TSHZ3: variants seen among roughly 807,000 people sequenced by gnomAD.
TSHZ3 encodes teashirt zinc finger homeobox 3.
A neutral mutation model predicts 64.5 loss-of-function variants in TSHZ3; 10 were observed. The observed-to-expected ratio is 0.16, with a 90% CI of 0.10 to 0.26. The LOEUF (loss-of-function observed/expected upper bound fraction) is 0.26. Ranked by LOEUF, TSHZ3 falls within the 10% of genes least tolerant of loss-of-function variation. The pLI, the probability that TSHZ3 is intolerant of heterozygous loss-of-function variation, is 1.00. For missense variants in TSHZ3, 1,242 were observed against 1,421.7 expected (o/e 0.87, Z 2.03); for synonymous variants, 608 against 593.1 (o/e 1.03, Z -0.36).
downstream of TSHZ3, among the ~76,000 whole-genome samples, chr19:31,270,992 C>T (rs113941546): frequency 6.6e-4 from 100 of 152,216 alleles, no homozygotes; most frequent in South Asian, 0.017. Flanking sequence ...GATTTTTGGA[C>T]CAGAGGTGGG....
chr19:31,195,571 TA>T, intron 5 of TSHZ3: 1 of 152,024 alleles, frequency 6.6e-6, no homozygotes, highest in Non-Finnish European at 1.5e-5. Flanking sequence ...TTTATTTATT[TA>T]TTTATTTTTG....
intron 5 of TSHZ3, among the ~76,000 whole-genome samples, chr19:31,165,279 G>T (rs964136643): frequency 7.9e-5 from 12 of 152,210 alleles, no homozygotes; most frequent in African/African-American, 2.9e-4. Context: ...ATTTATCCTG[G>T]CCTGAACTTC....
intron 1 of TSHZ3, among the ~76,000 whole-genome samples, chr19:31,243,060 A>G (rs1180956803): frequency 6.6e-6 from 1 of 152,212 alleles, no homozygotes; most frequent in Non-Finnish European, 1.5e-5. Context: ...TCTATCAGCT[A>G]TCTAGATATC....
intron 5 of TSHZ3, among the ~76,000 whole-genome samples, chr19:31,183,027 A>T (rs960345126): frequency 5.9e-5 from 9 of 152,068 alleles, no homozygotes; most frequent in Non-Finnish European, 1.2e-4. Flanking sequence ...AAAAAGAGAG[A>T]TTTTGCCCAA....
At position 31,278,615 on chromosome 19, in the gene TSHZ3, C is replaced by T. The variant is rs1976298899; in HGVS notation, c.1178G>A (p.Ser393Asn). ...GAGCTCCTGCAGGGTGTCATGCGAG[C>T]TCCCACACTCCATGCACTTCAGGAT... is the stretch of plus-strand genomic sequence containing the variant. ...SQILKCMECG[S>N]SHDTLQELTA... The change falls in exon 2 of 2, where the codon AGC becomes AAC. Residue 393 changes from serine to asparagine, a missense_variant. By Grantham distance (46) the Ser-to-Asn change is conservative. Transcript: ENST00000240587. The surrounding 1 kb of genome is among the most constrained non-coding windows in gnomAD (Gnocchi z 4.7). 2 of 1,614,002 alleles carry T rather than the reference C, an allele frequency of 1.2e-6. No individual in the cohort carries two copies. The highest frequency in any genetic ancestry group is 1.7e-6 in the Non-Finnish European group (2 of 1,180,012).
chr19:31,225,288 C>T (rs1310200822), intron 4 of TSHZ3, among the ~76,000 whole-genome samples: 2 of 152,082 alleles, frequency 1.3e-5, no homozygotes, highest in Non-Finnish European at 2.9e-5. Flanking sequence ...TTTGAAGTCC[C>T]AGGGAATGAA....
intron 5 of TSHZ3, chr19:31,167,484 A>G (rs1974470573): frequency 6.6e-6 from 1 of 152,200 alleles, no homozygotes; most frequent in African/African-American, 2.4e-5. Context: ...AGAGTTGAAC[A>G]CAGGCTGCCA....
intron 1 of TSHZ3, among the ~76,000 whole-genome samples, chr19:31,346,764 G>A (rs540819588): frequency 6.6e-6 from 1 of 150,584 alleles, no homozygotes; most frequent in Admixed American, 6.6e-5. Flanking sequence ...AAAATGGGAA[G>A]TTTCTGGTCC....
chr19:31,210,693 C>A (rs190543827), intron 4 of TSHZ3, among the ~76,000 whole-genome samples: 2 of 152,188 alleles, frequency 1.3e-5, no homozygotes, highest in Non-Finnish European at 2.9e-5. Flanking sequence ...ACTCAGGAAC[C>A]CACGCGTACC....
intron 1 of TSHZ3, among the ~76,000 whole-genome samples, chr19:31,256,105 C>G (rs560234844): frequency 6.6e-6 from 1 of 152,080 alleles, no homozygotes; most frequent in African/African-American, 2.4e-5. Context: ...TTCACCCTCC[C>G]CGAGGCTCAC....
chr19:31,160,687 C>T (rs1974364075), intron 5 of TSHZ3, among the ~76,000 whole-genome samples: 2 of 151,988 alleles, frequency 1.3e-5, no homozygotes, highest in Non-Finnish European at 2.9e-5. Context: ...CACACAGACA[C>T]ACATGCATAC....
intron 4 of TSHZ3, among the ~76,000 whole-genome samples, chr19:31,226,588 T>G (rs528639863): frequency 6.6e-6 from 1 of 152,276 alleles, no homozygotes; most frequent in Non-Finnish European, 1.5e-5. Flanking sequence ...AGCGTGAAAA[T>G]GGACTAATAC....
chr19:31,183,178 TTCTCTCTCTCTCTCTC>T (rs750398873), intron 5 of TSHZ3, among the ~76,000 whole-genome samples: 24 of 116,540 alleles, frequency 2.1e-4, no homozygotes, highest in African/African-American at 4.3e-4. Context: ...TTCTATGAGA[TTCTCTCTCTCTCTCTC>T]TCTCTCTCTC....
At chr19:31,329,401 A>G (rs1917012983) in intron 1 of TSHZ3, among the ~76,000 whole-genome samples, 1 of 152,232 alleles carries the variant, frequency 6.6e-6, no homozygotes, top group African/African-American at 2.4e-5. Flanking sequence ...CATCCAGGCC[A>G]CTGCAAGAAC....
chr19:31,222,460 A>G (rs370350255), intron 4 of TSHZ3, among the ~76,000 whole-genome samples: 3 of 152,190 alleles, frequency 2.0e-5, no homozygotes, highest in Non-Finnish European at 4.4e-5. Context: ...CTAGACTTGG[A>G]AAAACTTTCA....
intron 5 of TSHZ3, among the ~76,000 whole-genome samples, chr19:31,180,746 C>T (rs796624518): frequency 5.9e-5 from 9 of 152,292 alleles, no homozygotes; most frequent in South Asian, 2.1e-4. Context: ...GAGAGCTGGA[C>T]GCTTTGACAG....
chr19:31,330,443 C>T (rs1472708213), intron 1 of TSHZ3, among the ~76,000 whole-genome samples: 2 of 152,180 alleles, frequency 1.3e-5, no homozygotes, highest in Non-Finnish European at 2.9e-5. Context: ...TCCCAATGCC[C>T]GAGCTCCCAT....
chr19:31,289,497 A>C (rs1420013794), intron 1 of TSHZ3, among the ~76,000 whole-genome samples: 22 of 152,216 alleles, frequency 1.4e-4, no homozygotes, highest in Admixed American at 1.4e-3. Flanking sequence ...CGCCTGCAGC[A>C]TTAGTGTTCC....
intron 1 of TSHZ3, among the ~76,000 whole-genome samples, chr19:31,314,544 T>C (rs2145158734): frequency 6.6e-6 from 1 of 152,376 alleles, no homozygotes; most frequent in African/African-American, 2.4e-5. Context: ...TCACATCCCC[T>C]TGTGATACTA....
Sources: allele counts gnomAD v4.1 joint callset (sites outside exome capture counted in the v4.1 genomes callset), GRCh38; gene constraint gnomAD v4.1.1; non-coding constraint Gnocchi (gnomAD v3.1); transcripts MANE v1.5; gene names NCBI Gene and HGNC (gene_info 2026-07-23, HGNC 2026-07-21).